The following ERCC8 variants were observed in gnomAD, a reference collection of about 807,000 sequenced individuals.
The protein encoded by ERCC8 is ERCC excision repair 8, CSA ubiquitin ligase complex subunit.
ERCC8 carries 52 observed loss-of-function variants against 54.9 expected under a neutral mutation model. The ratio of observed to expected loss-of-function variants is 0.95; its 90% confidence interval spans 0.76 to 1.19. ERCC8 has a LOEUF of 1.19. Among genes scored for constraint, ERCC8 ranks in the 50% most tolerant of loss-of-function variants. The probability of loss-of-function intolerance (pLI) is 0.00; values close to 1 mark genes in which losing one functional copy is unlikely to be tolerated. For synonymous variants in ERCC8, 146 were observed against 157.2 expected, an observed-to-expected ratio of 0.93 and a Z score of 0.53; for missense variants, 514 against 466.1, an observed-to-expected ratio of 1.10 and a Z score of -0.95.
chr5:60,905,119 T>C (rs558369377), intron 4 of ERCC8, among the ~76,000 whole-genome samples: 40 of 152,214 alleles, frequency 2.6e-4, no homozygotes, highest in African/African-American at 8.4e-4. Flanking sequence ...TAAGAAAATA[T>C]AAGCCTGTGG....
At chr5:60,903,627 T>C (rs746110609) in intron 6 of ERCC8, 21 bp downstream of exon 6, 1 of 1,612,192 alleles carries the variant, frequency 6.2e-7, no homozygotes, top group South Asian at 1.1e-5. Context: ...GTAGTTGCCG[T>C]TTGAAATAAA....
In ERCC8 at chr5:60,872,518, C is replaced by A. The variant is rs1273113264; in HGVS notation, c.*2097G>T. 6.6e-6 allele frequency among the ~76,000 whole-genome samples: 1 copy of A among 152,004 alleles called. No individual in the cohort carries two copies. The highest frequency in any genetic ancestry group is 1.5e-5 in the Non-Finnish European group (1 of 68,000). Reference sequence around the variant, plus strand: ...TTCTCAAAAGAAGACATGCAAATGGCCAGCAGATATATGAAAAAATTATCA... The same window carrying A: ...TTCTCAAAAGAAGACATGCAAATGGACAGCAGATATATGAAAAAATTATCA... On this transcript the variant is annotated 3_prime_UTR_variant, in exon 12 of 12. Coordinates refer to ENST00000676185, the MANE Select transcript of ERCC8 (RefSeq NM_000082.4).
chr5:60,878,081 A>AG, intron 11 of ERCC8, among the ~76,000 whole-genome samples: 1 of 152,258 alleles, frequency 6.6e-6, no homozygotes, highest in Non-Finnish European at 1.5e-5. Context: ...TTTAGCATGA[A>AG]GGTTGTTGAA....
chr5:60,915,848 C>A (rs1749416776), intron 4 of ERCC8, among the ~76,000 whole-genome samples: 1 of 151,948 alleles, frequency 6.6e-6, no homozygotes, highest in South Asian at 2.1e-4. Context: ...GATTGGCAAC[C>A]TTAATTCCCC....
chr5:60,870,482 TAAAAAAAAAAAAA>T lies in ERCC8; in HGVS notation c.*4120_*4132del, dbSNP rs57423118. ...CAACATGGTGAAACCCCACCTCTGC[TAAAAAAAAAAAAA>T]AAAAAAAAAAAAAAAAATTAGCCAG... is the stretch of plus-strand genomic sequence containing the variant. On this transcript the variant is annotated 3_prime_UTR_variant, in exon 12 of 12. Transcript: ENST00000676185. Among the ~76,000 whole-genome samples the T allele has an allele frequency of 0.017, 851 of 48,824 alleles. 21 individuals carry two copies. Among genetic ancestry groups the T allele is most frequent in the African/African-American group, 0.08 (805 of 10,090 alleles). The allele number at this position is 48,824 out of a possible 152,430, so 32.0% of individuals were successfully genotyped here. A position where few individuals can be genotyped will look rare whatever the true frequency, so the allele number is the denominator to read the frequency against.
intron 11 of ERCC8, among the ~76,000 whole-genome samples, chr5:60,876,573 T>C (rs1487331438): frequency 4.6e-5 from 7 of 152,236 alleles, no homozygotes; most frequent in Non-Finnish European, 1.0e-4. Context: ...ATCACCATTC[T>C]AACTGGTGTG....
Position 60,866,669 on chromosome 5 carries a change from T to C in ERCC8, c.*7946A>G, listed in dbSNP as rs1293378567. ...GTTCACTCAGTATTAAGACAATTCA[T>C]AAAACTTTTATAATGACACTCTACC... On this transcript the variant is annotated 3_prime_UTR_variant, in exon 12 of 12. Coordinates refer to ENST00000676185, the MANE Select transcript of ERCC8 (RefSeq NM_000082.4). 1.3e-5 allele frequency: 2 copies of C among 152,204 alleles called. No homozygotes were observed. The highest frequency in any genetic ancestry group is 2.9e-5 in the Non-Finnish European group (2 of 68,026). 9.4% of individuals were successfully genotyped at this position (152,204 alleles called of 1,614,324 possible).
intron 10 of ERCC8, among the ~76,000 whole-genome samples, 175 bp downstream of exon 10, chr5:60,890,714 T>C (rs1748520281): frequency 6.6e-6 from 1 of 152,248 alleles, no homozygotes; most frequent in Non-Finnish European, 1.5e-5. Flanking sequence ...GATTCATTCA[T>C]ACATTGTATG....
chr5:60,906,432 A>G (rs1194600906), intron 4 of ERCC8, among the ~76,000 whole-genome samples: 1 of 151,982 alleles, frequency 6.6e-6, no homozygotes, highest in African/African-American at 2.4e-5. Flanking sequence ...GGCTATTATC[A>G]TTTAAACTAT....
intron 4 of ERCC8, among the ~76,000 whole-genome samples, chr5:60,913,955 A>C (rs1218472897): frequency 1.3e-5 from 2 of 152,030 alleles, no homozygotes; most frequent in Non-Finnish European, 2.9e-5. Context: ...GTGGTCTGAG[A>C]GAGTTTGTTG....
At chr5:60,885,704 T>C (rs751504293) in intron 11 of ERCC8, among the ~76,000 whole-genome samples, 1 of 151,736 alleles carries the variant, frequency 6.6e-6, no homozygotes, top group Non-Finnish European at 1.5e-5. Context: ...TATCAAAAGG[T>C]ATTTTTTTCT....
intron 11 of ERCC8, among the ~76,000 whole-genome samples, chr5:60,876,022 T>TC: frequency 6.7e-6 from 1 of 150,194 alleles, no homozygotes; most frequent in East Asian, 1.9e-4. Flanking sequence ...ATGCTATCCC[T>TC]CCCCCCTACC....
At chr5:60,908,950 C>T (rs1749163085) in intron 4 of ERCC8, among the ~76,000 whole-genome samples, 1 of 151,992 alleles carries the variant, frequency 6.6e-6, no homozygotes, top group Non-Finnish European at 1.5e-5. Flanking sequence ...AAAGGCGTAT[C>T]TATATGTAGA....
intron 11 of ERCC8, among the ~76,000 whole-genome samples, chr5:60,884,546 G>C (rs1394807465): frequency 7.9e-6 from 1 of 127,348 alleles, no homozygotes; most frequent in African/African-American, 2.8e-5. Context: ...TTGTTTTCTA[G>C]TGTGGTATAC....
In ERCC8 at chr5:60,866,530, T is replaced by C. The variant is rs1738933141; in HGVS notation, c.*8085A>G. The C allele has an allele frequency of 6.6e-6, 1 of 152,214 alleles. No individual in the cohort carries two copies. The highest frequency in any genetic ancestry group is 2.1e-4 in the South Asian group (1 of 4,836). The allele number at this position is 152,214 out of a possible 1,614,324, so 9.4% of individuals were successfully genotyped here. ...GTGTATTTTATTCCCGTTCTACAAA[T>C]GAATAAACTTGCAAAATCAAATAGG... On this transcript the variant is annotated 3_prime_UTR_variant, in exon 12 of 12. Coordinates refer to ENST00000676185, the MANE Select transcript of ERCC8 (RefSeq NM_000082.4).
chr5:60,875,565 A>T (rs1327369429), intron 11 of ERCC8, among the ~76,000 whole-genome samples: 3 of 152,226 alleles, frequency 2.0e-5, no homozygotes, highest in Non-Finnish European at 2.9e-5. Flanking sequence ...GGGTATTATG[A>T]GCCAGGTTTG....
At chr5:60,924,849 A>C (rs1477238656) in intron 2 of ERCC8, among the ~76,000 whole-genome samples, 1 of 151,878 alleles carries the variant, frequency 6.6e-6, no homozygotes, top group Non-Finnish European at 1.5e-5. Context: ...TTTCTGAAAT[A>C]TTTTTATTTC....
Position 60,871,809 on chromosome 5 carries a change from T to C in ERCC8, c.*2806A>G, listed in dbSNP as rs1747868624. 6.6e-6 allele frequency among the ~76,000 whole-genome samples: 1 copy of C among 152,180 alleles called. No individual in the cohort carries two copies. The highest frequency in any genetic ancestry group is 1.5e-5 in the Non-Finnish European group (1 of 68,018). ...ATTTTAATAGCTTTTCTTTTCTTTT[T>C]CTTTTGGGAGACACAAGGTCTCGCC... is the stretch of plus-strand genomic sequence containing the variant. On this transcript the variant is annotated 3_prime_UTR_variant, in exon 12 of 12. Transcript: ENST00000676185.
At chr5:60,930,482 G>A (rs1011382159) in intron 1 of ERCC8, among the ~76,000 whole-genome samples, 1 of 151,382 alleles carries the variant, frequency 6.6e-6, no homozygotes, top group African/African-American at 2.4e-5. Context: ...ACTTCAACCT[G>A]GGAGGCGGAG....
Sources: gnomAD v4.1 joint callset for allele counts (sites outside exome capture counted in the v4.1 genomes callset) on GRCh38, gnomAD v4.1.1 for gene constraint, MANE v1.5 for transcripts, NCBI Gene and HGNC (gene_info 2026-07-23, HGNC 2026-07-21) for gene names.